Variants in DNAJC6 observed in about 807,000 individuals in gnomAD.
The protein encoded by DNAJC6 is auxilin.
In DNAJC6, 34 loss-of-function variants were observed where a neutral mutation model predicts 110.0. The observed-to-expected ratio is 0.31, with a 90% CI of 0.24 to 0.41. The LOEUF (loss-of-function observed/expected upper bound fraction) is 0.41. Ranked by LOEUF, DNAJC6 falls within the 10% of genes least tolerant of loss-of-function variation. The pLI is 1.00. For missense variants in DNAJC6, 1,031 were observed against 1,207.8 expected (o/e 0.85, Z 2.17); for synonymous variants, 406 against 437.2 (o/e 0.93, Z 0.89).
chr1:65,381,108 G>A (rs184482348), intron 5 of DNAJC6, among the ~76,000 whole-genome samples: 1,620 of 151,146 alleles, frequency 0.011, 22 homozygotes, highest in African/African-American at 0.038. Flanking sequence ...TAGTAGAGAC[G>A]GGTTTTCACC....
intron 1 of DNAJC6, among the ~76,000 whole-genome samples, chr1:65,354,670 T>C (rs957345405): frequency 2.6e-5 from 4 of 152,172 alleles, no homozygotes; most frequent in African/African-American, 9.7e-5. Flanking sequence ...GACGTACTCA[T>C]GTGTGCACGT....
At position 65,405,939 on chromosome 1, in the gene DNAJC6, C is replaced by T. The variant is rs369669214; in HGVS notation, c.2297C>T (p.Ser766Leu). 15 of 1,614,046 alleles carry T rather than the reference C, an allele frequency of 9.3e-6. No individual in the cohort carries two copies. The highest frequency in any genetic ancestry group is 2.7e-5 in the African/African-American group (2 of 74,910). ...GLGGGFPPLS[S>L]PQKASPQPMG... ...GGTGGAGGATTCCCGCCTCTCAGCT[C>T]GCCACAGAAGGCGTCTCCCCAGCCT... Residue 766 changes from serine (S) to leucine (L), a missense_variant, in exon 16 of 19, where the codon TCG (serine) becomes TTG (leucine). Ser to Leu is a moderately radical substitution (Grantham distance 145, BLOSUM62 -2). Transcript: ENST00000371069.
intron 1 of DNAJC6, among the ~76,000 whole-genome samples, chr1:65,283,275 T>C (rs1171121805): frequency 4.6e-5 from 7 of 152,154 alleles, no homozygotes; most frequent in Non-Finnish European, 1.0e-4. Context: ...CACCACACAC[T>C]CTCTTGCATT....
At chr1:65,368,863 C>T (rs906258951) in intron 4 of DNAJC6, among the ~76,000 whole-genome samples, 1 of 151,150 alleles carries the variant, frequency 6.6e-6, no homozygotes, top group African/African-American at 2.4e-5. Flanking sequence ...CAACCTTCGC[C>T]TCCTGGGTTC....
At chr1:65,300,043 C>CAAAAA (rs59681451) in intron 1 of DNAJC6, among the ~76,000 whole-genome samples, 1 of 112,036 alleles carries the variant, frequency 8.9e-6, no homozygotes, top group African/African-American at 3.3e-5. Context: ...AACTCCATCT[C>CAAAAA]AAAAAAAAAA....
At chr1:65,352,936 A>T (rs1291394804) in intron 1 of DNAJC6, among the ~76,000 whole-genome samples, 1 of 152,186 alleles carries the variant, frequency 6.6e-6, no homozygotes, top group East Asian at 1.9e-4. Flanking sequence ...TTTGGTGCCT[A>T]TATTGTCTCC....
chr1:65,368,804 T>A (rs1395781610), intron 4 of DNAJC6, among the ~76,000 whole-genome samples: 1 of 118,028 alleles, frequency 8.5e-6, no homozygotes, highest in Non-Finnish European at 1.7e-5. Context: ...CAAAAGAGCC[T>A]CACTCAGTTG....
At chr1:65,382,001 A>G (rs966301800) in intron 5 of DNAJC6, among the ~76,000 whole-genome samples, 1 of 152,240 alleles carries the variant, frequency 6.6e-6, no homozygotes, top group African/African-American at 2.4e-5. Context: ...TGTAATATGA[A>G]GAAACAGGAA....
chr1:65,312,925 A>C (rs749697402), intron 1 of DNAJC6, among the ~76,000 whole-genome samples: 13 of 151,432 alleles, frequency 8.6e-5, no homozygotes, highest in Non-Finnish European at 1.6e-4. Context: ...TCAGCCCCTC[A>C]AGTAGCTGGG....
At chr1:65,382,254 T>G (rs1168154399) in intron 5 of DNAJC6, among the ~76,000 whole-genome samples, 1 of 152,192 alleles carries the variant, frequency 6.6e-6, no homozygotes, top group Non-Finnish European at 1.5e-5. Context: ...TTTATTGGAG[T>G]CCTGCAAGAT....
intron 1 of DNAJC6, among the ~76,000 whole-genome samples, chr1:65,334,905 C>T (rs1326132240): frequency 1.3e-5 from 2 of 152,156 alleles, no homozygotes; most frequent in Non-Finnish European, 2.9e-5. Context: ...AACTTCTCAT[C>T]ACCTACAAGA....
chr1:65,363,304 G>T (rs553081192), intron 1 of DNAJC6, among the ~76,000 whole-genome samples: 70 of 152,116 alleles, frequency 4.6e-4, no homozygotes, highest in Admixed American at 1.2e-3. Context: ...GGTCATCAAA[G>T]GTCATATGCC....
At chr1:65,269,330 T>C (rs1653432534) in intron 1 of DNAJC6, among the ~76,000 whole-genome samples, 1 of 150,448 alleles carries the variant, frequency 6.6e-6, no homozygotes, top group Non-Finnish European at 1.5e-5. Context: ...ATAGCAAGAC[T>C]GCACTCCAGC....
At chr1:65,408,151 C>G (rs912858877) in intron 16 of DNAJC6, among the ~76,000 whole-genome samples, 1 of 152,118 alleles carries the variant, frequency 6.6e-6, no homozygotes, top group Non-Finnish European at 1.5e-5. Context: ...TGTTCCTAGC[C>G]ACCATGCTCG....
intron 1 of DNAJC6, among the ~76,000 whole-genome samples, chr1:65,345,324 G>C (rs1311521686): frequency 2.0e-5 from 3 of 151,688 alleles, no homozygotes; most frequent in Non-Finnish European, 4.4e-5. Context: ...AGGTAGGCAT[G>C]CATAGGCAAA....
intron 2 of DNAJC6, 24 bp from the exon 3 acceptor site, chr1:65,365,861 T>A (rs1468888762): frequency 6.2e-6 from 10 of 1,609,770 alleles, no homozygotes; most frequent in Non-Finnish European, 7.6e-6. Context: ...TTTTAATGAG[T>A]GCCCATTTTT....
intron 4 of DNAJC6, among the ~76,000 whole-genome samples, chr1:65,368,628 TCTC>T (rs1470056007): frequency 2.7e-5 from 4 of 147,104 alleles, no homozygotes; most frequent in African/African-American, 7.7e-5. Flanking sequence ...TTCTTCTCCT[TCTC>T]CTCCTCCTCA....
At chr1:65,275,348 G>A (rs1028276683) in intron 1 of DNAJC6, among the ~76,000 whole-genome samples, 1 of 152,206 alleles carries the variant, frequency 6.6e-6, no homozygotes, top group African/African-American at 2.4e-5. Context: ...TTTACTAGGT[G>A]TATAGAATTA....
chr1:65,294,554 A>T (rs1307196103), intron 1 of DNAJC6, among the ~76,000 whole-genome samples: 1 of 152,002 alleles, frequency 6.6e-6, no homozygotes, highest in Non-Finnish European at 1.5e-5. Context: ...ATAAGTGGCT[A>T]TTGAGCATTT....
Sources: gnomAD v4.1 joint callset for allele counts (sites outside exome capture counted in the v4.1 genomes callset) on GRCh38, gnomAD v4.1.1 for gene constraint, MANE v1.5 for transcripts, NCBI Gene and HGNC (gene_info 2026-07-23, HGNC 2026-07-21) for gene names.